Variants in TMEM38B observed in about 807,000 individuals in gnomAD.
The protein encoded by TMEM38B is trimeric intracellular cation channel type B.
Under a neutral mutation model 28.7 loss-of-function variants are expected in TMEM38B, and 24 were observed. The observed-to-expected ratio is 0.84, with a 90% CI of 0.61 to 1.18. TMEM38B has a LOEUF of 1.18. TMEM38B is among the 50% of genes most tolerant of loss of function. TMEM38B has a pLI of 0.00. For synonymous variants in TMEM38B, 131 were observed against 127.7 expected (o/e 1.03, Z -0.17); for missense variants, 380 against 350.9 (o/e 1.08, Z -0.66).
chr9:105,767,360 T>G (rs1318249750), intron 5 of TMEM38B, among the ~76,000 whole-genome samples: 1 of 152,204 alleles, frequency 6.6e-6, no homozygotes, highest in Non-Finnish European at 1.5e-5. Flanking sequence ...TTATAGTAAG[T>G]CTTAAAATCA....
chr9:105,698,046 T>C (rs1270297825), intron 1 of TMEM38B, among the ~76,000 whole-genome samples: 1 of 150,036 alleles, frequency 6.7e-6, no homozygotes, highest in East Asian at 1.9e-4. Context: ...TCTAGACCTT[T>C]ACTAAGATCA....
chr9:105,712,060 G>A (rs1274582096), intron 2 of TMEM38B, among the ~76,000 whole-genome samples: 1 of 152,054 alleles, frequency 6.6e-6, no homozygotes. Flanking sequence ...GACTAAAGGT[G>A]CATGAAACTA....
chr9:105,755,837 T>C (rs1564413258), intron 5 of TMEM38B, among the ~76,000 whole-genome samples: 2 of 152,248 alleles, frequency 1.3e-5, no homozygotes, highest in Admixed American at 1.3e-4. Flanking sequence ...TTCCAGGCTG[T>C]TTATTACAAA....
Position 105,732,485 on chromosome 9 carries a change from A to T in TMEM38B, c.542+9864A>T, listed in dbSNP as rs561849703. 4.6e-5 allele frequency among the ~76,000 whole-genome samples: 7 copies of T among 152,306 alleles called. No homozygotes were observed. The East Asian group carries it at 1.2e-3, about 25-fold the overall frequency. ...TAATCCATCTTGAATTAATTTTTGT[A>T]TAAGGTGTAAGGAAGGGATGCAGTT... On this transcript the variant is annotated intron_variant, in intron 4 of 5. Transcript: ENST00000374692.
intron 4 of TMEM38B, among the ~76,000 whole-genome samples, chr9:105,746,884 A>T (rs965646298): frequency 7.2e-5 from 11 of 152,012 alleles, no homozygotes; most frequent in African/African-American, 2.4e-4. Flanking sequence ...ATGCTTATTG[A>T]TTTGCGTTTG....
chr9:105,769,820 A>G (rs1826489439), intron 5 of TMEM38B, among the ~76,000 whole-genome samples: 1 of 152,228 alleles, frequency 6.6e-6, no homozygotes. Context: ...GGAGGCAGTT[A>G]TAGGAAGAAA....
intron 4 of TMEM38B, among the ~76,000 whole-genome samples, chr9:105,737,002 G>A (rs1442699497): frequency 1.3e-5 from 2 of 152,148 alleles, no homozygotes; most frequent in South Asian, 2.1e-4. Context: ...TCCCAGCAAC[G>A]GGATGGATCC....
intron 5 of TMEM38B, among the ~76,000 whole-genome samples, chr9:105,750,252 A>G (rs1299672285): frequency 1.3e-5 from 2 of 152,266 alleles, no homozygotes; most frequent in East Asian, 3.9e-4. Flanking sequence ...TACCAGACTT[A>G]ATGATTTGCA....
intron 5 of TMEM38B, among the ~76,000 whole-genome samples, chr9:105,753,675 A>T (rs898555917): frequency 3.3e-5 from 5 of 152,220 alleles, no homozygotes; most frequent in Non-Finnish European, 5.9e-5. Context: ...AGCACTAAAT[A>T]TGGAAAGGAA....
rs1826663705 is a variant in TMEM38B, at chr9:105,774,430, C to T, written c.*350C>T. On this transcript the variant is annotated 3_prime_UTR_variant, in exon 6 of 6. Transcript: ENST00000374692. ...TAAGCTTTTAAAAATGTAGATTTTTCATATTTTTAAAATTTGAATCTATTT... is the reference window on the plus strand; with the variant it reads ...TAAGCTTTTAAAAATGTAGATTTTTTATATTTTTAAAATTTGAATCTATTT... 1.3e-5 allele frequency: 2 copies of T among 158,948 alleles called. No individual in the cohort carries two copies. The highest frequency in any genetic ancestry group is 3.6e-4 in the East Asian group (2 of 5,622). 9.8% of individuals were successfully genotyped at this position (158,948 alleles called of 1,614,324 possible).
At chr9:105,752,349 C>T (rs2133625740) in intron 5 of TMEM38B, among the ~76,000 whole-genome samples, 1 of 152,338 alleles carries the variant, frequency 6.6e-6, no homozygotes, top group African/African-American at 2.4e-5. Flanking sequence ...AAGCGGGTCC[C>T]TGATCCTGTT....
chr9:105,731,220 C>T (rs1322812300), intron 4 of TMEM38B, among the ~76,000 whole-genome samples: 2 of 152,020 alleles, frequency 1.3e-5, no homozygotes, highest in Non-Finnish European at 2.9e-5. Context: ...AAATTTCCCT[C>T]TACACACCAC....
In TMEM38B at chr9:105,776,418, TAG is replaced by T. The variant is rs1178005371; in HGVS notation, c.*2344_*2345del. 1.3e-5 allele frequency: 2 copies of T among 151,950 alleles called. No homozygotes were observed. Among genetic ancestry groups the T allele is most frequent in the Non-Finnish European group, 2.9e-5 (2 of 67,970 alleles). The allele number at this position is 151,950 out of a possible 1,614,324, so 9.4% of individuals were successfully genotyped here. A position where few individuals can be genotyped will look rare whatever the true frequency, so the allele number is the denominator to read the frequency against. ...CTCCCTGTGGGTAGAGACCAAAAGG[TAG>T]AGAGATGACAGAAGGGAGACTCTGA... On this transcript the variant is annotated 3_prime_UTR_variant, in exon 6 of 6. Coordinates refer to ENST00000374692, the MANE Select transcript of TMEM38B (RefSeq NM_018112.3).
chr9:105,696,339 G>T (rs1393951284), intron 1 of TMEM38B, among the ~76,000 whole-genome samples: 1 of 152,092 alleles, frequency 6.6e-6, no homozygotes, highest in Non-Finnish European at 1.5e-5. Context: ...AGGCTGAAGT[G>T]CAGTGGCGCG....
At chr9:105,751,243 T>G (rs1837636843) in intron 5 of TMEM38B, among the ~76,000 whole-genome samples, 1 of 152,122 alleles carries the variant, frequency 6.6e-6, no homozygotes, top group South Asian at 2.1e-4. Context: ...AGAAAAGCAG[T>G]GGGGTGGGGG....
chr9:105,767,985 T>TAG (rs1441785549), intron 5 of TMEM38B, among the ~76,000 whole-genome samples: 2 of 152,072 alleles, frequency 1.3e-5, no homozygotes, highest in African/African-American at 4.8e-5. Flanking sequence ...ATGGTGAGAG[T>TAG]AGACATCTTT....
At chr9:105,710,732 T>C (rs1835870009) in intron 2 of TMEM38B, 3 of 610,058 alleles carry the variant, frequency 4.9e-6, no homozygotes, top group East Asian at 7.7e-5. Flanking sequence ...TCGTTGGCTA[T>C]GTTCCTGACA....
chr9:105,761,069 A>G (rs930533399), intron 5 of TMEM38B, among the ~76,000 whole-genome samples: 2 of 152,238 alleles, frequency 1.3e-5, no homozygotes, highest in African/African-American at 4.8e-5. Flanking sequence ...CATCAAGATT[A>G]AACTATAATT....
chr9:105,748,302 A>G (rs1837509789), intron 5 of TMEM38B, 112 bp downstream of exon 5: 1 of 745,088 alleles, frequency 1.3e-6, no homozygotes, highest in Non-Finnish European at 2.2e-6. Context: ...ATTATTATCT[A>G]AGAGGAATAA....
Sources: gnomAD v4.1 joint callset for allele counts (sites outside exome capture counted in the v4.1 genomes callset) on GRCh38, gnomAD v4.1.1 for gene constraint, MANE v1.5 for transcripts, NCBI Gene and HGNC (gene_info 2026-07-23, HGNC 2026-07-21) for gene names.